Variants in ATP2B2 observed in about 807,000 individuals in gnomAD.
ATP2B2 encodes the protein plasma membrane calcium-transporting ATPase 2.
A neutral mutation model predicts 120.0 loss-of-function variants in ATP2B2; 15 were observed. The observed-to-expected ratio is 0.12, with a 90% CI of 0.08 to 0.19. ATP2B2 has a LOEUF of 0.19. ATP2B2 is among the 10% of genes least tolerant of loss of function. ATP2B2 has a pLI of 1.00. For synonymous variants in ATP2B2, 694 were observed against 700.3 expected (o/e 0.99, Z 0.14); for missense variants, 1,045 against 1,719.8 (o/e 0.61, Z 6.94).
intron 2 of ATP2B2, among the ~76,000 whole-genome samples, chr3:10,546,090 T>C (rs1322174608): frequency 2.0e-5 from 3 of 152,218 alleles, no homozygotes; most frequent in Admixed American, 6.5e-5. Flanking sequence ...TCATTTTCTA[T>C]AGTAAACGTG....
intron 3 of ATP2B2, among the ~76,000 whole-genome samples, chr3:10,530,441 C>T (rs940263605): frequency 3.9e-5 from 6 of 152,220 alleles, no homozygotes; most frequent in Non-Finnish European, 8.8e-5. Context: ...TGTCCCACCG[C>T]ACCACGCTTC....
chr3:10,680,343 T>C (rs1336991216), intron 1 of ATP2B2, among the ~76,000 whole-genome samples: 4 of 151,944 alleles, frequency 2.6e-5, no homozygotes, highest in African/African-American at 7.3e-5. Context: ...AGGTGAGTGG[T>C]AGGTTGGCCT....
intron 6 of ATP2B2, 80 bp downstream of exon 6, chr3:10,388,197 T>A (rs2061739161): frequency 1.9e-6 from 3 of 1,598,838 alleles, no homozygotes; most frequent in Admixed American, 1.7e-5. Context: ...CAATAACTAT[T>A]TTGTTGAGTG....
intron 1 of ATP2B2, among the ~76,000 whole-genome samples, chr3:10,460,595 G>T (rs1233024984): frequency 6.6e-6 from 1 of 152,156 alleles, no homozygotes; most frequent in Non-Finnish European, 1.5e-5. Flanking sequence ...AGCAAGCATG[G>T]GGAGCTGACC....
At position 10,545,665 on chromosome 3, in the gene ATP2B2, T is replaced by C. The variant is rs553087164; in HGVS notation, c.-414-11532A>G. On this transcript the variant is annotated intron_variant, in intron 2 of 21. Transcript: ENST00000646379. ...TTTGCAAAATTGGAATATGCAGTAA[T>C]TGGGAATGCAGACATCATTTGATCA... is the stretch of plus-strand genomic sequence containing the variant. Among the ~76,000 whole-genome samples the C allele has an allele frequency of 2.2e-3, 329 of 152,340 alleles. 2 individuals are homozygous for C. The highest frequency in any genetic ancestry group is 7.4e-3 in the African/African-American group (309 of 41,582).
intron 1 of ATP2B2, among the ~76,000 whole-genome samples, chr3:10,476,207 C>T (rs1244726627): frequency 6.6e-6 from 1 of 152,182 alleles, no homozygotes; most frequent in Admixed American, 6.5e-5. Flanking sequence ...GACAGGTTGC[C>T]CCAGATCAGG....
At chr3:10,341,668 T>C (rs2060282269) in intron 19 of ATP2B2, among the ~76,000 whole-genome samples, 2 of 152,138 alleles carry the variant, frequency 1.3e-5, no homozygotes, top group Admixed American at 1.3e-4. Context: ...TTGTGGAGTT[T>C]TCTGGGTGTG....
intron 1 of ATP2B2, among the ~76,000 whole-genome samples, chr3:10,472,122 AAGGGAGGGAG>A (rs1182729842): frequency 6.6e-6 from 1 of 151,148 alleles, no homozygotes; most frequent in Admixed American, 6.6e-5. Context: ...AAGACCTAAG[AAGGGAGGGAG>A]AGGGAGGGAC....
chr3:10,396,732 G>T (rs905384959), intron 5 of ATP2B2, among the ~76,000 whole-genome samples: 2 of 152,366 alleles, frequency 1.3e-5, no homozygotes, highest in African/African-American at 4.8e-5. Context: ...AGAGGAAGGG[G>T]GTAGCCCAGA....
chr3:10,619,260 G>A (rs1231986038), intron 2 of ATP2B2, among the ~76,000 whole-genome samples: 1 of 152,086 alleles, frequency 6.6e-6, no homozygotes, highest in Non-Finnish European at 1.5e-5. Flanking sequence ...AGCCCACAGT[G>A]GCTCCATCAA....
chr3:10,472,838 G>A (rs966403071), intron 1 of ATP2B2, among the ~76,000 whole-genome samples: 1 of 152,236 alleles, frequency 6.6e-6, no homozygotes, highest in Admixed American at 6.5e-5. Context: ...CCCTACAGTA[G>A]CAGTGTCGGC....
chr3:10,441,065 C>T (rs1288794703), intron 2 of ATP2B2, among the ~76,000 whole-genome samples: 5 of 152,168 alleles, frequency 3.3e-5, no homozygotes, highest in South Asian at 2.1e-4. Flanking sequence ...AGTCTTAAGG[C>T]GGGAGCAGTT....
chr3:10,453,740 G>GCTTCT (rs2064149607), intron 1 of ATP2B2, among the ~76,000 whole-genome samples: 1 of 152,154 alleles, frequency 6.6e-6, no homozygotes, highest in Non-Finnish European at 1.5e-5. Flanking sequence ...AGAATCGTTA[G>GCTTCT]CAGCAATTAT....
At chr3:10,668,806 T>G in intron 1 of ATP2B2, among the ~76,000 whole-genome samples, 1 of 152,230 alleles carries the variant, frequency 6.6e-6, no homozygotes, top group Non-Finnish European at 1.5e-5. Context: ...CCTCGCCTGC[T>G]TGCTTTCTGC....
intron 1 of ATP2B2, among the ~76,000 whole-genome samples, chr3:10,456,325 A>G (rs974565507): frequency 2.0e-5 from 3 of 152,180 alleles, no homozygotes; most frequent in African/African-American, 7.2e-5. Context: ...ATGTATTTTT[A>G]AGGTCACTTT....
At chr3:10,643,664 C>T (rs1575587269) in intron 1 of ATP2B2, among the ~76,000 whole-genome samples, 1 of 152,144 alleles carries the variant, frequency 6.6e-6, no homozygotes, top group South Asian at 2.1e-4. Flanking sequence ...AAGGAACATT[C>T]TATTAAAAAG....
At chr3:10,617,316 A>C (rs1292342187) in intron 2 of ATP2B2, among the ~76,000 whole-genome samples, 1 of 152,240 alleles carries the variant, frequency 6.6e-6, no homozygotes, top group Non-Finnish European at 1.5e-5. Context: ...CTCATCACAC[A>C]TATTAAAAGA....
chr3:10,562,702 A>G (rs181057578), intron 2 of ATP2B2, among the ~76,000 whole-genome samples: 14 of 152,328 alleles, frequency 9.2e-5, no homozygotes, highest in Admixed American at 9.2e-4. Context: ...GTGTTATGTA[A>G]ATATTCAAGA....
chr3:10,426,453 A>G (rs1411799352), intron 2 of ATP2B2, among the ~76,000 whole-genome samples: 1 of 152,120 alleles, frequency 6.6e-6, no homozygotes, highest in Non-Finnish European at 1.5e-5. Context: ...GGGGAGCTGG[A>G]GAGATACTCA....
Sources: gnomAD v4.1 joint callset for allele counts (sites outside exome capture counted in the v4.1 genomes callset) on GRCh38, gnomAD v4.1.1 for gene constraint, MANE v1.5 for transcripts, NCBI Gene and HGNC (gene_info 2026-07-23, HGNC 2026-07-21) for gene names.